The following TMPRSS15 variants were observed in gnomAD, a reference collection of about 807,000 sequenced individuals.
The protein encoded by TMPRSS15 is transmembrane serine protease 15, also known as enteropeptidase.
A neutral mutation model predicts 125.3 loss-of-function variants in TMPRSS15; 128 were observed. The ratio of observed to expected loss-of-function variants is 1.02; its 90% confidence interval spans 0.89 to 1.18. The LOEUF is 1.18. Among genes scored for constraint, TMPRSS15 ranks in the 50% most tolerant of loss-of-function variants. The pLI is 0.00. For synonymous variants in TMPRSS15, 446 were observed against 423.2 expected (o/e 1.05, Z -0.66); for missense variants, 1,283 against 1,212.7 (o/e 1.06, Z -0.86).
chr21:18,449,426 G>A (rs977290583), intron 1 of TMPRSS15, among the ~76,000 whole-genome samples: 26 of 152,132 alleles, frequency 1.7e-4, no homozygotes, highest in African/African-American at 5.5e-4. Context: ...CAACAAGCAG[G>A]AAAACAGAAA....
chr21:18,433,671 A>AAAAAAAAG, intron 1 of TMPRSS15, among the ~76,000 whole-genome samples: 1 of 150,882 alleles, frequency 6.6e-6, no homozygotes, highest in Non-Finnish European at 1.5e-5. Context: ...CTCAAAAAAA[A>AAAAAAAAG]AAAAAAAAAA....
In TMPRSS15 at chr21:18,445,206, A is replaced by ATT. The variant is rs71191408; in HGVS notation, c.10+40591_10+40592dup. 8.5e-5 allele frequency among the ~76,000 whole-genome samples: 12 copies of ATT among 141,482 alleles called. No homozygotes were observed. In the East Asian group the frequency reaches 1.3e-3, roughly 15 times the overall value. 92.8% of individuals were successfully genotyped at this position (141,482 alleles called of 152,430 possible). On this transcript the variant is annotated intron_variant, in intron 1 of 7. Transcript: ENST00000422787. The stretch of plus-strand genomic sequence containing the variant: ...CCATTCTTGCATTGGTATATACCAC[A>ATT]TTTTTTTTTTTTTTTTGAGACAGAG...
intron 23 of TMPRSS15, among the ~76,000 whole-genome samples, chr21:18,277,822 C>T (rs2074639964): frequency 2.6e-5 from 4 of 152,210 alleles, no homozygotes; most frequent in African/African-American, 9.7e-5. Flanking sequence ...TATCAGACTA[C>T]AGAGCCTTTT....
chr21:18,391,432 T>G (rs528839160), intron 3 of TMPRSS15, among the ~76,000 whole-genome samples: 9 of 152,224 alleles, frequency 5.9e-5, no homozygotes, highest in South Asian at 4.1e-4. Flanking sequence ...CCCATGCAAC[T>G]CCAAAATCCA....
intron 14 of TMPRSS15, among the ~76,000 whole-genome samples, chr21:18,330,968 G>C (rs1310436930): frequency 6.6e-6 from 1 of 151,616 alleles, no homozygotes; most frequent in Non-Finnish European, 1.5e-5. Flanking sequence ...AGCTACTCGG[G>C]AGGCCAAGGC....
chr21:18,373,331 A>G (rs1423919930), intron 5 of TMPRSS15, among the ~76,000 whole-genome samples: 3 of 152,176 alleles, frequency 2.0e-5, no homozygotes, highest in Admixed American at 6.5e-5. Flanking sequence ...GCTGTAATTA[A>G]AATGAATATA....
chr21:18,390,133 C>T (rs2075978648), intron 3 of TMPRSS15, among the ~76,000 whole-genome samples: 1 of 152,198 alleles, frequency 6.6e-6, no homozygotes, highest in Non-Finnish European at 1.5e-5. Flanking sequence ...TAGTCCCTAT[C>T]TATGCCTTTC....
chr21:18,359,594 C>T (rs1436512088), intron 8 of TMPRSS15, among the ~76,000 whole-genome samples, 163 bp downstream of exon 8: 5 of 151,436 alleles, frequency 3.3e-5, no homozygotes, highest in African/African-American at 9.7e-5. Context: ...CCACATAGAG[C>T]ACTAATTTTC....
intron 7 of TMPRSS15, among the ~76,000 whole-genome samples, chr21:18,361,883 TA>T (rs11357306): frequency 0.55 from 82,809 of 150,026 alleles, 23,044 homozygotes; most frequent in East Asian, 0.86. Context: ...GGTAGGTTAT[TA>T]AAAAAAAAAC....
chr21:18,427,163 G>A (rs1024823259), intron 1 of TMPRSS15, among the ~76,000 whole-genome samples: 1 of 152,214 alleles, frequency 6.6e-6, no homozygotes, highest in African/African-American at 2.4e-5. Context: ...TCTGAGAACA[G>A]ATTCACTTCT....
Position 18,352,979 on chromosome 21 carries a change from T to C in TMPRSS15, c.1095A>G (p.Glu365=). The C allele has an allele frequency of 1.2e-6, 2 of 1,612,100 alleles. No individual in the cohort carries two copies. The highest frequency in any genetic ancestry group is 1.3e-5 in the African/African-American group (1 of 74,898). The change falls in exon 10 of 25, where the codon GAA becomes GAG. Residue 365 remains glutamate, a synonymous_variant. Transcript: ENST00000284885. ...FWVQDLNDDN[E]WERIQGSTFS... ...AGGTGCTTCCCTGAATCCTTTCCCA[T>C]TCATTATCATCATTTAGATCCTGGA...
chr21:18,324,820 A>G (rs2075273196), intron 16 of TMPRSS15, among the ~76,000 whole-genome samples: 1 of 152,180 alleles, frequency 6.6e-6, no homozygotes, highest in South Asian at 2.1e-4. Flanking sequence ...AGCTATGTCC[A>G]TCACCCTTCT....
chr21:18,301,735 A>G (rs1026699475), intron 18 of TMPRSS15, among the ~76,000 whole-genome samples: 12 of 151,962 alleles, frequency 7.9e-5, no homozygotes, highest in African/African-American at 2.9e-4. Flanking sequence ...TCACATAGAA[A>G]CTCCATATAG....
At chr21:18,351,228 A>G (rs2075565360) in intron 10 of TMPRSS15, among the ~76,000 whole-genome samples, 1 of 152,176 alleles carries the variant, frequency 6.6e-6, no homozygotes, top group Admixed American at 6.6e-5. Context: ...ATTTGCTTAG[A>G]ATTTTTGTTA....
At chr21:18,431,402 C>G (rs2123211812) in intron 1 of TMPRSS15, among the ~76,000 whole-genome samples, 1 of 152,200 alleles carries the variant, frequency 6.6e-6, no homozygotes, top group South Asian at 2.1e-4. Context: ...GGCCCTATCC[C>G]TTGATTCTGG....
At chr21:18,297,903 C>T in intron 18 of TMPRSS15, 74 bp from the exon 19 acceptor site, 2 of 1,156,104 alleles carry the variant, frequency 1.7e-6, no homozygotes, top group African/African-American at 1.5e-5. Flanking sequence ...ACTTTCAGTT[C>T]CTTAATGCTA....
intron 1 of TMPRSS15, among the ~76,000 whole-genome samples, chr21:18,427,854 G>T (rs377265284): frequency 2.0e-5 from 3 of 152,166 alleles, no homozygotes; most frequent in African/African-American, 4.8e-5. Flanking sequence ...GCTTTGATAA[G>T]TCTTATTTCT....
intron 3 of TMPRSS15, among the ~76,000 whole-genome samples, chr21:18,390,469 A>G (rs1393210098): frequency 6.6e-6 from 1 of 152,216 alleles, no homozygotes; most frequent in Non-Finnish European, 1.5e-5. Context: ...CTAAGACTTT[A>G]TAGAATACAT....
At chr21:18,478,371 G>A (rs1388638441) in intron 1 of TMPRSS15, among the ~76,000 whole-genome samples, 1 of 151,916 alleles carries the variant, frequency 6.6e-6, no homozygotes, top group Admixed American at 6.6e-5. Context: ...ATATCAGATT[G>A]TTTAAGACAA....
Sources: allele counts gnomAD v4.1 joint callset (sites outside exome capture counted in the v4.1 genomes callset), GRCh38; gene constraint gnomAD v4.1.1; transcripts MANE v1.5; gene names NCBI Gene and HGNC (gene_info 2026-07-23, HGNC 2026-07-21).